TNNI3K: variants seen among roughly 807,000 people sequenced by gnomAD.
The protein encoded by TNNI3K is TNNI3 interacting kinase.
A neutral mutation model predicts 114.5 loss-of-function variants in TNNI3K; 140 were observed. The observed-to-expected ratio is 1.22, with a 90% CI of 1.07 to 1.41. TNNI3K has a LOEUF of 1.41. Ranked by LOEUF, TNNI3K falls within the 40% of genes most tolerant of loss-of-function variation. The pLI, the probability that TNNI3K is intolerant of heterozygous loss-of-function variation, is 0.00. For synonymous variants in TNNI3K, 347 were observed against 347.5 expected (o/e 1.00, Z 0.02); for missense variants, 1,125 against 1,007.6 (o/e 1.12, Z -1.58).
At chr1:74,332,803 A>T (rs1485801951) in intron 6 of TNNI3K, among the ~76,000 whole-genome samples, 1 of 152,056 alleles carries the variant, frequency 6.6e-6, no homozygotes, top group Non-Finnish European at 1.5e-5. Context: ...AGTCCAAACA[A>T]TTTTCCTAAA....
intron 9 of TNNI3K, 152 bp from the exon 10 acceptor site, chr1:74,353,114 C>T (rs1661463067): frequency 3.7e-6 from 3 of 814,396 alleles, no homozygotes; most frequent in Non-Finnish European, 5.7e-6. Flanking sequence ...TTAAGTACCT[C>T]TTTAAAGATA....
At chr1:74,439,650 C>T (rs202188672) in intron 20 of TNNI3K, 28 bp downstream of exon 20, 22 of 1,611,296 alleles carry the variant, frequency 1.4e-5, no homozygotes, top group Non-Finnish European at 1.9e-5. Context: ...TGAAGTTTTC[C>T]TGTTTTACAG....
intron 17 of TNNI3K, among the ~76,000 whole-genome samples, chr1:74,405,556 C>CA (rs1664574626): frequency 6.6e-6 from 1 of 151,960 alleles, no homozygotes; most frequent in Non-Finnish European, 1.5e-5. Flanking sequence ...AAACTGTTTA[C>CA]AAAATAGCAC....
chr1:74,308,138 C>A (rs1658765603), intron 5 of TNNI3K, among the ~76,000 whole-genome samples: 1 of 152,030 alleles, frequency 6.6e-6, no homozygotes, highest in Non-Finnish European at 1.5e-5. Flanking sequence ...AAATTCTGGA[C>A]TTCAGTAGCA....
chr1:74,495,622 G>A (rs1669290973), intron 23 of TNNI3K, among the ~76,000 whole-genome samples: 1 of 152,044 alleles, frequency 6.6e-6, no homozygotes, highest in Non-Finnish European at 1.5e-5. Context: ...TAGGAAGTAG[G>A]TATTCCAATT....
chr1:74,449,655 A>C (rs1666896736), intron 20 of TNNI3K, among the ~76,000 whole-genome samples: 1 of 151,718 alleles, frequency 6.6e-6, no homozygotes, highest in Admixed American at 6.6e-5. Flanking sequence ...AAAGAGACAA[A>C]GAAGGCCATT....
intron 5 of TNNI3K, among the ~76,000 whole-genome samples, chr1:74,325,896 G>A (rs768873524): frequency 3.9e-5 from 6 of 152,050 alleles, no homozygotes; most frequent in African/African-American, 1.4e-4. Context: ...TCATCACTTT[G>A]GAAAAACAAT....
intron 17 of TNNI3K, among the ~76,000 whole-genome samples, chr1:74,431,687 G>A (rs764331211): frequency 2.2e-4 from 33 of 152,038 alleles, no homozygotes; most frequent in Non-Finnish European, 3.7e-4. Context: ...TAGTAAATGC[G>A]CTTCTAGCAT....
At chr1:74,487,457 C>T (rs1668824245) in intron 21 of TNNI3K, among the ~76,000 whole-genome samples, 2 of 152,010 alleles carry the variant, frequency 1.3e-5, no homozygotes, top group South Asian at 4.2e-4. Context: ...TACTGACGGT[C>T]CATGGGAGAT....
chr1:74,330,401 T>C (rs1299057553), intron 5 of TNNI3K, among the ~76,000 whole-genome samples: 1 of 152,240 alleles, frequency 6.6e-6, no homozygotes, highest in South Asian at 2.1e-4. Context: ...TAAGAAACTT[T>C]GCTAAAACTA....
chr1:74,369,638 T>G, intron 16 of TNNI3K, 53 bp downstream of exon 16: 1 of 1,510,670 alleles, frequency 6.6e-7, no homozygotes, highest in East Asian at 2.3e-5. Flanking sequence ...AAACTACTCT[T>G]GCAATACTTC....
chr1:74,511,278 T>C (rs568445931), intron 23 of TNNI3K, among the ~76,000 whole-genome samples: 1 of 151,838 alleles, frequency 6.6e-6, no homozygotes, highest in South Asian at 2.1e-4. Context: ...CCACAACCTC[T>C]GCCTCCCGGG....
At chr1:74,289,206 G>C (rs1257638293) in intron 5 of TNNI3K, among the ~76,000 whole-genome samples, 5 of 151,976 alleles carry the variant, frequency 3.3e-5, no homozygotes, top group Non-Finnish European at 7.4e-5. Context: ...GTTTTTCAAA[G>C]TTGACCTTGT....
chr1:74,280,804 G>A (rs1180547203), intron 5 of TNNI3K, among the ~76,000 whole-genome samples: 1 of 152,204 alleles, frequency 6.6e-6, no homozygotes, highest in African/African-American at 2.4e-5. Flanking sequence ...CTTGCAACCA[G>A]TGGACTTGGG....
chr1:74,496,740 C>T (rs1234049600), intron 23 of TNNI3K, among the ~76,000 whole-genome samples: 2 of 152,140 alleles, frequency 1.3e-5, no homozygotes, highest in African/African-American at 2.4e-5. Context: ...GAGAAAGGCA[C>T]TCTTGAAGTT....
At chr1:74,470,383 C>A (rs2100734746) in intron 21 of TNNI3K, 1 of 400,566 alleles carries the variant, frequency 2.5e-6, no homozygotes, top group East Asian at 3.6e-5. Flanking sequence ...CTCTTCTTTC[C>A]CTACTATTTT....
chr1:74,518,409 A>G (rs1646379693), intron 23 of TNNI3K, among the ~76,000 whole-genome samples: 1 of 151,904 alleles, frequency 6.6e-6, no homozygotes, highest in Admixed American at 6.6e-5. Flanking sequence ...CTTCTTCTTT[A>G]CCTAAAGGGA....
chr1:74,314,924 G>T (rs1659225833), intron 5 of TNNI3K, among the ~76,000 whole-genome samples: 1 of 152,076 alleles, frequency 6.6e-6, no homozygotes, highest in African/African-American at 2.4e-5. Context: ...AGGAAGAAAA[G>T]CAATTTGAAA....
chr1:74,428,585 G>A (rs1665745135), intron 17 of TNNI3K, among the ~76,000 whole-genome samples: 1 of 152,122 alleles, frequency 6.6e-6, no homozygotes, highest in East Asian at 1.9e-4. Context: ...TCTGGACATG[G>A]TAGGAGTCTG....
Sources: allele counts gnomAD v4.1 joint callset (sites outside exome capture counted in the v4.1 genomes callset), GRCh38; gene constraint gnomAD v4.1.1; transcripts MANE v1.5; gene names NCBI Gene and HGNC (gene_info 2026-07-23, HGNC 2026-07-21).